Variants in RCAN2 observed in about 807,000 individuals in gnomAD.
RCAN2 encodes the protein regulator of calcineurin 2, also known as calcipressin-2.
A neutral mutation model predicts 23.6 loss-of-function variants in RCAN2; 9 were observed. That is an observed-to-expected ratio of 0.38 (90% CI 0.23 to 0.67). The LOEUF (loss-of-function observed/expected upper bound fraction) is 0.67, where lower values mean the gene tolerates loss of function less well. RCAN2 is among the 30% of genes least tolerant of loss of function. The pLI is 0.51. For missense variants in RCAN2, 273 were observed against 302.3 expected, an observed-to-expected ratio of 0.90 and a Z score of 0.72; for synonymous variants, 109 against 115.7, an observed-to-expected ratio of 0.94 and a Z score of 0.37.
intron 2 of RCAN2, among the ~76,000 whole-genome samples, chr6:46,380,192 C>G (rs926369014): frequency 3.9e-5 from 6 of 152,048 alleles, no homozygotes; most frequent in African/African-American, 1.4e-4. Context: ...TAAAACACAC[C>G]CCCCTCAGAA....
intron 1 of RCAN2, among the ~76,000 whole-genome samples, chr6:46,475,655 G>C (rs1768694049): frequency 6.6e-6 from 1 of 152,152 alleles, no homozygotes; most frequent in Admixed American, 6.5e-5. Context: ...ATGTTAAGCA[G>C]AGCAGTTGAA....
intron 4 of RCAN2, among the ~76,000 whole-genome samples, chr6:46,241,836 T>C (rs1485037188): frequency 2.6e-5 from 4 of 152,230 alleles, no homozygotes; most frequent in Non-Finnish European, 4.4e-5. Context: ...GAACATTAAA[T>C]AATATTGTAA....
chr6:46,412,701 C>T (rs757371633), intron 2 of RCAN2, among the ~76,000 whole-genome samples: 1 of 152,154 alleles, frequency 6.6e-6, no homozygotes, highest in Non-Finnish European at 1.5e-5. Context: ...AAAAATACAA[C>T]TGCTGGGTCT....
In RCAN2 at chr6:46,386,633, A is replaced by G. The variant is rs1485934594; in HGVS notation, c.225+70119T>C. On this transcript the variant is annotated intron_variant, in intron 2 of 4. Transcript: ENST00000371374. ...CACAAAAAAAAAAAAAAAAAAAACT[A>G]AACTAAAAACTAATGAGATACCATC... Among the ~76,000 whole-genome samples the G allele has an allele frequency of 3.5e-5, 5 of 143,402 alleles. No homozygotes were observed. The East Asian group carries it at 1.0e-3, about 29-fold the overall frequency. The allele number at this position is 143,402 out of a possible 152,430, so 94.1% of individuals were successfully genotyped here.
At chr6:46,440,804 A>G (rs1392153159) in intron 2 of RCAN2, among the ~76,000 whole-genome samples, 1 of 152,206 alleles carries the variant, frequency 6.6e-6, no homozygotes, top group Non-Finnish European at 1.5e-5. Context: ...TCTTCCTGGA[A>G]CTAGTTCTAA....
At chr6:46,477,016 T>A (rs1382058144) in intron 1 of RCAN2, among the ~76,000 whole-genome samples, 2 of 152,152 alleles carry the variant, frequency 1.3e-5, no homozygotes, top group African/African-American at 4.8e-5. Context: ...AGAACAGAGT[T>A]TGGATTGCTT....
chr6:46,406,401 C>T (rs540580053), intron 2 of RCAN2, among the ~76,000 whole-genome samples: 11 of 152,362 alleles, frequency 7.2e-5, no homozygotes, highest in African/African-American at 2.6e-4. Flanking sequence ...AAAGTCACTC[C>T]TCCAAATCTC....
At chr6:46,272,205 A>T (rs953058320) in intron 2 of RCAN2, among the ~76,000 whole-genome samples, 5 of 152,206 alleles carry the variant, frequency 3.3e-5, no homozygotes, top group Admixed American at 2.0e-4. Flanking sequence ...CAATATTGCT[A>T]AAAAGATGAA....
At chr6:46,229,073 T>G (rs1375686518) in intron 4 of RCAN2, among the ~76,000 whole-genome samples, 1 of 152,208 alleles carries the variant, frequency 6.6e-6, no homozygotes, top group Non-Finnish European at 1.5e-5. Flanking sequence ...AAAATTCTTC[T>G]CTTTAAGAAT....
intron 1 of RCAN2, among the ~76,000 whole-genome samples, chr6:46,467,893 C>G (rs1768440871): frequency 6.6e-6 from 1 of 152,190 alleles, no homozygotes; most frequent in Admixed American, 6.5e-5. Context: ...ACTGAAATCC[C>G]AGCTCCTCAG....
At chr6:46,281,373 G>C (rs1000851906) in intron 2 of RCAN2, among the ~76,000 whole-genome samples, 2 of 152,236 alleles carry the variant, frequency 1.3e-5, no homozygotes, top group Non-Finnish European at 2.9e-5. Flanking sequence ...CAGATTCCTG[G>C]AGTTGCCATC....
At chr6:46,313,403 C>T (rs1481912026) in intron 2 of RCAN2, among the ~76,000 whole-genome samples, 1 of 152,238 alleles carries the variant, frequency 6.6e-6, no homozygotes, top group Non-Finnish European at 1.5e-5. Context: ...AGTGCTCCAT[C>T]ACATTTCTCA....
chr6:46,409,831 G>A (rs1766498415), intron 2 of RCAN2, among the ~76,000 whole-genome samples: 1 of 152,166 alleles, frequency 6.6e-6, no homozygotes, highest in Admixed American at 6.5e-5. Context: ...ACTGAACTAA[G>A]GGATGCCCAG....
chr6:46,436,359 C>T (rs558355734), intron 2 of RCAN2, among the ~76,000 whole-genome samples: 4 of 152,156 alleles, frequency 2.6e-5, no homozygotes, highest in African/African-American at 4.8e-5. Context: ...ATTACAGGCG[C>T]GTGCCAGCAT....
chr6:46,253,946 G>A (rs1039243168), intron 2 of RCAN2, among the ~76,000 whole-genome samples: 4 of 152,114 alleles, frequency 2.6e-5, no homozygotes, highest in African/African-American at 7.2e-5. Context: ...TGTGTAGTAC[G>A]CTATACCATC....
At chr6:46,267,456 A>T (rs1269745224) in intron 2 of RCAN2, among the ~76,000 whole-genome samples, 1 of 152,156 alleles carries the variant, frequency 6.6e-6, no homozygotes, top group Non-Finnish European at 1.5e-5. Context: ...CAAGGTGAGA[A>T]GATCACTTGA....
intron 2 of RCAN2, among the ~76,000 whole-genome samples, chr6:46,351,047 C>CA (rs1295093211): frequency 4.6e-5 from 7 of 151,662 alleles, no homozygotes; most frequent in African/African-American, 1.7e-4. Flanking sequence ...TATAAAGTGA[C>CA]AAAAAAGGGT....
At chr6:46,288,521 T>C (rs1214195713) in intron 2 of RCAN2, among the ~76,000 whole-genome samples, 1 of 152,232 alleles carries the variant, frequency 6.6e-6, no homozygotes, top group Non-Finnish European at 1.5e-5. Context: ...CCTCAACCTA[T>C]GGATGATTTG....
At chr6:46,231,298 C>G (rs1283595502) in intron 4 of RCAN2, among the ~76,000 whole-genome samples, 2 of 152,166 alleles carry the variant, frequency 1.3e-5, no homozygotes, top group African/African-American at 4.8e-5. Context: ...GGAACAGATC[C>G]TTTCCTGACA....
Sources: gnomAD v4.1 joint callset for allele counts (sites outside exome capture counted in the v4.1 genomes callset) on GRCh38, gnomAD v4.1.1 for gene constraint, MANE v1.5 for transcripts, NCBI Gene and HGNC (gene_info 2026-07-23, HGNC 2026-07-21) for gene names.